RASSF8: variants seen among roughly 807,000 people sequenced by gnomAD.
RASSF8 encodes ras association domain-containing protein 8.
A neutral mutation model predicts 48.5 loss-of-function variants in RASSF8; 22 were observed. The observed-to-expected ratio is 0.45, with a 90% CI of 0.32 to 0.65. The LOEUF (loss-of-function observed/expected upper bound fraction) is 0.65. Among genes scored for constraint, RASSF8 ranks in the 30% least tolerant of loss-of-function variants. The pLI, the probability that RASSF8 is intolerant of heterozygous loss-of-function variation, is 0.03. For synonymous variants in RASSF8, 127 were observed against 171.5 expected (o/e 0.74, Z 2.03); for missense variants, 418 against 489.2 (o/e 0.85, Z 1.37).
chr12:25,978,200 T>C (rs996534493), intron 1 of RASSF8, among the ~76,000 whole-genome samples: 1 of 152,190 alleles, frequency 6.6e-6, no homozygotes, highest in Non-Finnish European at 1.5e-5. Context: ...TGTAGAAGCT[T>C]CTGAGATTCT....
chr12:26,028,149 A>G (rs1394051671), intron 2 of RASSF8, among the ~76,000 whole-genome samples: 2 of 152,070 alleles, frequency 1.3e-5, no homozygotes, highest in South Asian at 2.1e-4. Flanking sequence ...TTGAGACTGT[A>G]TAAATTTAAT....
intron 2 of RASSF8, among the ~76,000 whole-genome samples, chr12:26,043,673 A>G (rs904696899): frequency 6.6e-6 from 1 of 152,234 alleles, no homozygotes; most frequent in African/African-American, 2.4e-5. Context: ...TGGAAATCCA[A>G]TTGCCTATCA....
intron 1 of RASSF8, among the ~76,000 whole-genome samples, chr12:25,980,371 A>G (rs1003269654): frequency 1.3e-5 from 2 of 152,254 alleles, no homozygotes; most frequent in African/African-American, 4.8e-5. Flanking sequence ...AATTTTAAAA[A>G]GAGATTAAAG....
intron 2 of RASSF8, among the ~76,000 whole-genome samples, chr12:26,003,352 G>A (rs1483752282): frequency 6.6e-6 from 1 of 152,070 alleles, no homozygotes; most frequent in East Asian, 1.9e-4. Context: ...TGAGTTCAGT[G>A]GGCTCGTGTT....
intron 5 of RASSF8, chr12:26,079,000 TTTG>T (rs766613343): frequency 2.5e-5 from 39 of 1,529,890 alleles, no homozygotes; most frequent in African/African-American, 6.9e-5. Flanking sequence ...TTAACTCTTT[TTTG>T]TTGTTGTGTG....
intron 2 of RASSF8, among the ~76,000 whole-genome samples, chr12:26,043,412 A>T (rs570712626): frequency 2.0e-5 from 3 of 152,370 alleles, no homozygotes; most frequent in African/African-American, 7.2e-5. Context: ...GTAGCACATC[A>T]GTAACCTGCG....
intron 2 of RASSF8, among the ~76,000 whole-genome samples, chr12:26,017,968 C>G (rs1313994599): frequency 1.3e-5 from 2 of 152,254 alleles, no homozygotes; most frequent in Non-Finnish European, 2.9e-5. Context: ...AACCCTTTCC[C>G]TTTCCCATTG....
chr12:25,989,391 C>T (rs940543994), intron 1 of RASSF8, among the ~76,000 whole-genome samples: 3 of 151,948 alleles, frequency 2.0e-5, no homozygotes, highest in African/African-American at 7.3e-5. Context: ...TTTCCCCCCA[C>T]CCCCTCTTTC....
intron 2 of RASSF8, among the ~76,000 whole-genome samples, chr12:26,008,197 C>T (rs974719491): frequency 1.3e-4 from 19 of 151,882 alleles, no homozygotes; most frequent in Non-Finnish European, 1.0e-4. Context: ...GATGTGAACC[C>T]GGGAGGCGGA....
chr12:25,981,945 A>G (rs1941754922), intron 1 of RASSF8, among the ~76,000 whole-genome samples: 1 of 152,236 alleles, frequency 6.6e-6, no homozygotes. Context: ...TTTCAAGGAT[A>G]TGTTTCTTAA....
At chr12:26,005,096 T>C (rs1262872130) in intron 2 of RASSF8, among the ~76,000 whole-genome samples, 2 of 152,150 alleles carry the variant, frequency 1.3e-5, no homozygotes, top group Admixed American at 6.6e-5. Context: ...GTTTCTTGGG[T>C]TTCTCTGCAG....
At position 26,065,184 on chromosome 12, in the gene RASSF8, C is replaced by T; in HGVS notation, c.790C>T (p.Gln264Ter). 1 of 1,614,050 alleles carries T rather than the reference C, an allele frequency of 6.2e-7. No individual in the cohort carries two copies. The highest frequency in any genetic ancestry group is 2.2e-5 in the East Asian group (1 of 44,882). ...AAACAAATTAAAGGACTATTTGGCA[C>T]AGATCCGGACTATGGAAAGTGGTCT... ...CENKLKDYLAQIRTMESGLEA... is the reference protein window; with the variant it reads ...CENKLKDYLA The change falls in exon 4 of 6, where the codon CAG becomes TAG. Residue 264 changes from glutamine to a stop codon, truncating the protein, a stop_gained. Transcript: ENST00000689635. LOFTEE classifies it high-confidence loss of function.
At position 26,021,905 on chromosome 12, in the gene RASSF8, C is replaced by T. The variant is rs142557121; in HGVS notation, c.-109+26775C>T. ...TCAAGCCTAAGGATGCTTTCAGAAA[C>T]GAGAGGCTTTGGTGGTAAGCAAATA... On this transcript the variant is annotated intron_variant, in intron 2 of 5. Transcript: ENST00000689635. Among the ~76,000 whole-genome samples, 773 of 152,212 alleles carry T rather than the reference C, an allele frequency of 5.1e-3. 8 individuals are homozygous for T. The highest frequency in any genetic ancestry group is 0.018 in the African/African-American group (743 of 41,532).
chr12:26,068,613 G>A, intron 5 of RASSF8, 84 bp from the exon 6 acceptor site: 2 of 1,096,000 alleles, frequency 1.8e-6, no homozygotes, highest in East Asian at 2.6e-5. Flanking sequence ...TCCCTTTTGG[G>A]GTAGGAAGCA....
At chr12:26,050,074 C>T (rs1986802) in intron 2 of RASSF8, among the ~76,000 whole-genome samples, 84 of 152,162 alleles carry the variant, frequency 5.5e-4, no homozygotes, top group African/African-American at 1.9e-3. Context: ...TGAGCCACCA[C>T]GCCCAGCCAA....
At chr12:26,038,168 T>C (rs1266262613) in intron 2 of RASSF8, among the ~76,000 whole-genome samples, 1 of 152,200 alleles carries the variant, frequency 6.6e-6, no homozygotes, top group Non-Finnish European at 1.5e-5. Flanking sequence ...TAGTTTGCTC[T>C]CAGACCCTAC....
chr12:26,022,540 A>G (rs748456836), intron 2 of RASSF8, among the ~76,000 whole-genome samples: 15 of 152,214 alleles, frequency 9.9e-5, no homozygotes, highest in Non-Finnish European at 1.9e-4. Context: ...TGTGAAATTT[A>G]ACAGAAAAAA....
chr12:25,990,303 A>C (rs922357553), intron 1 of RASSF8, among the ~76,000 whole-genome samples: 5 of 152,148 alleles, frequency 3.3e-5, no homozygotes, highest in East Asian at 1.9e-4. Context: ...CTTTTTTCCA[A>C]ATCTCTTTGG....
chr12:25,994,710 T>A (rs1942092299), intron 1 of RASSF8, among the ~76,000 whole-genome samples: 1 of 152,192 alleles, frequency 6.6e-6, no homozygotes, highest in African/African-American at 2.4e-5. Flanking sequence ...CACAGGGAGC[T>A]GGGGTCAGTA....
Sources: gnomAD v4.1 joint callset for allele counts (sites outside exome capture counted in the v4.1 genomes callset) on GRCh38, gnomAD v4.1.1 for gene constraint, MANE v1.5 for transcripts, NCBI Gene and HGNC (gene_info 2026-07-23, HGNC 2026-07-21) for gene names.